Variants in GRXCR1 observed in about 807,000 individuals in gnomAD.
GRXCR1 encodes the protein glutaredoxin domain-containing cysteine-rich protein 1.
GRXCR1 carries 27 observed loss-of-function variants against 27.3 expected under a neutral mutation model. The observed-to-expected ratio is 0.99, with a 90% CI of 0.73 to 1.37. The LOEUF is 1.37. Ranked by LOEUF, GRXCR1 falls within the 40% of genes most tolerant of loss-of-function variation. The pLI is 0.00. For synonymous variants in GRXCR1, 122 were observed against 131.1 expected, an observed-to-expected ratio of 0.93 and a Z score of 0.47; for missense variants, 379 against 354.4, an observed-to-expected ratio of 1.07 and a Z score of -0.56.
Position 42,918,006 on chromosome 4 carries a change from A to G in GRXCR1, c.384+24356A>G, listed in dbSNP as rs375314195. Among the ~76,000 whole-genome samples, 17 of 152,244 alleles carry G rather than the reference A, an allele frequency of 1.1e-4. No individual in the cohort carries two copies. In the East Asian group the frequency reaches 1.7e-3, roughly 16 times the overall value. ...TGAAACTGATTATATATTGAAACTG[A>G]AATATATATCTGCATAATTGGTTAC... is the stretch of plus-strand genomic sequence containing the variant. On this transcript the variant is annotated intron_variant, in intron 1 of 3. Transcript: ENST00000399770.
At chr4:42,995,444 T>G (rs1712123885) in intron 2 of GRXCR1, among the ~76,000 whole-genome samples, 1 of 152,190 alleles carries the variant, frequency 6.6e-6, no homozygotes, top group Non-Finnish European at 1.5e-5. Flanking sequence ...AAAACATTTT[T>G]GTTTAAAAGG....
intron 2 of GRXCR1, among the ~76,000 whole-genome samples, chr4:42,997,732 T>C (rs1712219440): frequency 6.6e-6 from 1 of 152,186 alleles, no homozygotes; most frequent in African/African-American, 2.4e-5. Context: ...CTGAAGTTAT[T>C]TAAAGCAGCC....
At chr4:42,898,069 A>G (rs2109736182) in intron 1 of GRXCR1, among the ~76,000 whole-genome samples, 1 of 151,884 alleles carries the variant, frequency 6.6e-6, no homozygotes, top group Non-Finnish European at 1.5e-5. Context: ...ACAGTTTTCA[A>G]AAGTGTTGTA....
chr4:42,894,151 G>T (rs1159843344), intron 1 of GRXCR1, among the ~76,000 whole-genome samples: 2 of 152,058 alleles, frequency 1.3e-5, no homozygotes, highest in African/African-American at 4.8e-5. Flanking sequence ...TCCTGAGGAG[G>T]TTGCAGGCTT....
intron 2 of GRXCR1, among the ~76,000 whole-genome samples, chr4:42,998,406 T>C (rs993874626): frequency 4.6e-5 from 7 of 152,300 alleles, no homozygotes; most frequent in African/African-American, 1.7e-4. Flanking sequence ...CATGCACATG[T>C]AATTAAGTAG....
intron 1 of GRXCR1, among the ~76,000 whole-genome samples, chr4:42,907,338 C>T (rs1267635854): frequency 6.6e-6 from 1 of 152,152 alleles, no homozygotes; most frequent in African/African-American, 2.4e-5. Flanking sequence ...TTTATTGCAT[C>T]CAAGCACAGC....
chr4:42,946,372 T>A (rs1202868450), intron 1 of GRXCR1, among the ~76,000 whole-genome samples: 2 of 152,178 alleles, frequency 1.3e-5, no homozygotes, highest in Non-Finnish European at 2.9e-5. Context: ...TTTTAAAAAA[T>A]TTATCTTATG....
intron 1 of GRXCR1, among the ~76,000 whole-genome samples, chr4:42,960,584 T>C (rs1748109250): frequency 6.6e-6 from 1 of 151,902 alleles, no homozygotes; most frequent in South Asian, 2.1e-4. Flanking sequence ...CGATGTGAAG[T>C]GCAATATTTT....
chr4:42,900,163 A>G (rs1746429925), intron 1 of GRXCR1, among the ~76,000 whole-genome samples: 1 of 152,192 alleles, frequency 6.6e-6, no homozygotes, highest in Non-Finnish European at 1.5e-5. Flanking sequence ...TTAATAGTCT[A>G]TACACTGACA....
intron 1 of GRXCR1, among the ~76,000 whole-genome samples, chr4:42,938,412 G>C (rs1747509182): frequency 1.3e-5 from 2 of 151,916 alleles, no homozygotes; most frequent in African/African-American, 4.8e-5. Context: ...ATACCTCTTT[G>C]ATATACAGAT....
intron 1 of GRXCR1, among the ~76,000 whole-genome samples, chr4:42,953,893 A>C (rs1368192759): frequency 6.6e-6 from 1 of 152,024 alleles, no homozygotes; most frequent in Non-Finnish European, 1.5e-5. Context: ...AATCATTCAA[A>C]CCTCACAAAT....
At chr4:42,984,713 T>C (rs1228644895) in intron 2 of GRXCR1, among the ~76,000 whole-genome samples, 2 of 152,154 alleles carry the variant, frequency 1.3e-5, no homozygotes, top group African/African-American at 4.8e-5. Context: ...CTGTAGTTGG[T>C]GGAACACTGG....
intron 2 of GRXCR1, among the ~76,000 whole-genome samples, chr4:43,014,861 A>C (rs1381110537): frequency 3.3e-5 from 5 of 152,220 alleles, no homozygotes; most frequent in Non-Finnish European, 5.9e-5. Flanking sequence ...ATGGTGCACT[A>C]CACAAAATGC....
intron 2 of GRXCR1, among the ~76,000 whole-genome samples, chr4:42,965,320 G>A (rs1748212674): frequency 6.6e-6 from 1 of 152,068 alleles, no homozygotes; most frequent in African/African-American, 2.4e-5. Flanking sequence ...CCTAGAGAGA[G>A]TCCAGAAACA....
chr4:42,895,140 A>C (rs754086398), intron 1 of GRXCR1, among the ~76,000 whole-genome samples: 4 of 152,146 alleles, frequency 2.6e-5, no homozygotes, highest in Non-Finnish European at 4.4e-5. Context: ...GTTTACTCTG[A>C]CAGTGCTTTA....
At chr4:43,023,561 C>T (rs575411149) in intron 3 of GRXCR1, among the ~76,000 whole-genome samples, 1 of 152,286 alleles carries the variant, frequency 6.6e-6, no homozygotes, top group African/African-American at 2.4e-5. Flanking sequence ...GTGATAGCTT[C>T]TATGGAGATC....
chr4:42,896,906 C>T (rs1442365542), intron 1 of GRXCR1, among the ~76,000 whole-genome samples: 1 of 152,022 alleles, frequency 6.6e-6, no homozygotes, highest in African/African-American at 2.4e-5. Context: ...CCATGTTTCC[C>T]ATGAATATTC....
chr4:42,928,530 G>A (rs894367691), intron 1 of GRXCR1, among the ~76,000 whole-genome samples: 3 of 151,956 alleles, frequency 2.0e-5, no homozygotes, highest in African/African-American at 7.2e-5. Context: ...TGATGGGATA[G>A]TCAGGCAGGT....
rs553031686 is a variant in GRXCR1 at position 43,017,158 on chromosome 4, T to C, written c.628-3196T>C. 4.6e-5 allele frequency among the ~76,000 whole-genome samples: 7 copies of C among 152,348 alleles called. No individual in the cohort carries two copies. The South Asian group carries it at 1.4e-3, about 32-fold the overall frequency. The stretch of plus-strand genomic sequence containing the variant: ...AAGAACTTGGACATTTCATAGCTTC[T>C]CTGGCATGTTCATTCTGGGCGTGGA... On this transcript the variant is annotated intron_variant, in intron 2 of 3. Transcript: ENST00000399770.
Sources: allele counts gnomAD v4.1 joint callset (sites outside exome capture counted in the v4.1 genomes callset), GRCh38; gene constraint gnomAD v4.1.1; transcripts MANE v1.5; gene names NCBI Gene and HGNC (gene_info 2026-07-23, HGNC 2026-07-21).